The following ANKRD33B variants were observed in gnomAD, a reference collection of about 807,000 sequenced individuals.
ANKRD33B encodes the protein ankyrin repeat domain 33B.
In ANKRD33B, 6 loss-of-function variants were observed where a neutral mutation model predicts 21.5. That is an observed-to-expected ratio of 0.28 (90% CI 0.15 to 0.55). The LOEUF (loss-of-function observed/expected upper bound fraction) is 0.55, where lower values mean the gene tolerates loss of function less well. Among genes scored for constraint, ANKRD33B ranks in the 20% least tolerant of loss-of-function variants. ANKRD33B has a pLI of 0.94. For missense variants in ANKRD33B, 698 were observed against 747.2 expected (o/e 0.93, Z 0.77); for synonymous variants, 347 against 342.4 (o/e 1.01, Z -0.15).
At chr5:10,648,312 G>A (rs1346331505) in intron 3 of ANKRD33B, among the ~76,000 whole-genome samples, 1 of 152,250 alleles carries the variant, frequency 6.6e-6, no homozygotes, top group African/African-American at 2.4e-5. Flanking sequence ...CCTCAAGAGT[G>A]AGACCACAGC....
chr5:10,576,161 G>T lies in ANKRD33B; in HGVS notation c.366+11328G>T, dbSNP rs566931282. Among the ~76,000 whole-genome samples, 134 of 152,306 alleles carry T rather than the reference G, an allele frequency of 8.8e-4. 1 individual carries two copies. Among genetic ancestry groups the T allele is most frequent in the Middle Eastern group, 3.4e-3 (1 of 294 alleles). The stretch of plus-strand genomic sequence containing the variant: ...GGCTGTAACTATTTCAAAATAAAAA[G>T]TTGAATGAGCGTGAAAAGCTGCACG... On this transcript the variant is annotated intron_variant, in intron 1 of 3. Coordinates refer to ENST00000296657, the MANE Select transcript of ANKRD33B (RefSeq NM_001164440.2). The surrounding 1 kb of genome is among the most constrained non-coding windows in gnomAD (Gnocchi z 4.1).
At chr5:10,592,351 G>A (rs1735712750) in intron 1 of ANKRD33B, among the ~76,000 whole-genome samples, 1 of 150,644 alleles carries the variant, frequency 6.6e-6, no homozygotes, top group Non-Finnish European at 1.5e-5. Context: ...TGGCGCCCAT[G>A]CCTGTAATCC....
chr5:10,564,345 G>A lies in ANKRD33B; in HGVS notation c.-123G>A. On this transcript the variant is annotated 5_prime_UTR_variant, in exon 1 of 4. Transcript: ENST00000296657. Reference sequence around the variant, plus strand: ...GCCTGGTGCCGGTTTCCGCCGAGCTGGAGCGCGCGGGCCACGGCTTCTCTG... The same window carrying A: ...GCCTGGTGCCGGTTTCCGCCGAGCTAGAGCGCGCGGGCCACGGCTTCTCTG... The A allele has an allele frequency of 1.5e-6, 1 of 675,034 alleles. No individual in the cohort carries two copies. Among genetic ancestry groups the A allele is most frequent in the Non-Finnish European group, 1.8e-6 (1 of 542,294 alleles). The allele number at this position is 675,034 out of a possible 1,614,324, so 41.8% of individuals were successfully genotyped here.
chr5:10,598,987 C>T (rs1375774289), intron 1 of ANKRD33B, among the ~76,000 whole-genome samples: 1 of 152,192 alleles, frequency 6.6e-6, no homozygotes, highest in East Asian at 1.9e-4. Flanking sequence ...AATATATACA[C>T]CTGTGCAGTC....
chr5:10,610,710 G>A (rs1367639114), intron 1 of ANKRD33B, among the ~76,000 whole-genome samples: 2 of 152,216 alleles, frequency 1.3e-5, no homozygotes, highest in African/African-American at 4.8e-5. Flanking sequence ...TACATGGAGA[G>A]CATTTTGTGC....
In ANKRD33B at chr5:10,589,071, A is replaced by G. The variant is rs888365676; in HGVS notation, c.366+24238A>G. Among the ~76,000 whole-genome samples, 7 of 151,972 alleles carry G rather than the reference A, an allele frequency of 4.6e-5. No homozygotes were observed. In the East Asian group the frequency reaches 9.7e-4, roughly 21 times the overall value. On this transcript the variant is annotated intron_variant, in intron 1 of 3. Coordinates refer to ENST00000296657, the MANE Select transcript of ANKRD33B (RefSeq NM_001164440.2). ...CCCATACCCTGAGCTGCTTGACCAC[A>G]TTACTTCTGCTTTAAGCCTCGGGAA...
At chr5:10,603,003 G>T (rs114582648) in intron 1 of ANKRD33B, among the ~76,000 whole-genome samples, 4,219 of 151,958 alleles carry the variant, frequency 0.028, 103 homozygotes, top group South Asian at 0.046. Context: ...TTGTAGAGAC[G>T]CGGTTTTGCC....
At position 10,652,224 on chromosome 5, in the gene ANKRD33B, C is replaced by T. The variant is rs912653378; in HGVS notation, c.*2111C>T. ...GCAGTGCCATGTGGTCTCCCAGGCA[C>T]GCTTCTCAACACCGGCTACCCCTGC... On this transcript the variant is annotated 3_prime_UTR_variant, in exon 4 of 4. Transcript: ENST00000296657. The surrounding 1 kb of genome is among the most constrained non-coding windows in gnomAD (Gnocchi z 4.1). The T allele has an allele frequency of 6.6e-5, 10 of 152,486 alleles. No homozygotes were observed. The highest frequency in any genetic ancestry group is 7.3e-5 in the Non-Finnish European group (5 of 68,080). The allele number at this position is 152,486 out of a possible 1,614,324, so 9.4% of individuals were successfully genotyped here.
intron 1 of ANKRD33B, among the ~76,000 whole-genome samples, chr5:10,581,149 C>T (rs541993037): frequency 6.6e-6 from 1 of 152,340 alleles, no homozygotes; most frequent in African/African-American, 2.4e-5. Context: ...GGGCCTGGTC[C>T]CACCCCTTAA....
intron 3 of ANKRD33B, among the ~76,000 whole-genome samples, chr5:10,643,442 A>G (rs1401959351): frequency 6.6e-6 from 1 of 151,636 alleles, no homozygotes; most frequent in African/African-American, 2.4e-5. Flanking sequence ...TAAATGGGAA[A>G]GGATATACAA....
chr5:10,600,205 A>G (rs935169025), intron 1 of ANKRD33B, among the ~76,000 whole-genome samples: 4 of 152,362 alleles, frequency 2.6e-5, no homozygotes, highest in Non-Finnish European at 4.4e-5. Context: ...TAATTTACAT[A>G]CAGTGAAATG....
intron 1 of ANKRD33B, among the ~76,000 whole-genome samples, chr5:10,577,544 C>T (rs1245333456): frequency 2.0e-5 from 3 of 152,188 alleles, no homozygotes; most frequent in Non-Finnish European, 4.4e-5. Flanking sequence ...GTGGTGGATT[C>T]CTGGGTTCTC....
rs554077623 is a variant in ANKRD33B, at chr5:10,649,796, G to A, written c.1168G>A (p.Ala390Thr). The change falls in exon 4 of 4, where the codon GCC (alanine) becomes ACC (threonine). Residue 390 changes from alanine (A) to threonine (T), a missense_variant. Physicochemically the swap from Ala to Thr is moderately conservative, Grantham distance 58 (BLOSUM62 0). Transcript: ENST00000296657. ...EGSPRAGLPPALGSRGPAAPA... is the reference protein window; with the variant it reads ...EGSPRAGLPPTLGSRGPAAPA... ...CTCCCCGAGAGCCGGCCTCCCTCCC[G>A]CCCTGGGGTCCCGGGGCCCCGCAGC... 7.1e-6 allele frequency: 10 copies of A among 1,398,714 alleles called. No individual in the cohort carries two copies. In the African/African-American group the frequency reaches 1.5e-4, roughly 21 times the overall value. 86.6% of individuals were successfully genotyped at this position (1,398,714 alleles called of 1,614,324 possible).
chr5:10,624,178 G>C (rs1394654375), intron 2 of ANKRD33B, among the ~76,000 whole-genome samples: 2 of 137,960 alleles, frequency 1.4e-5, no homozygotes, highest in Non-Finnish European at 3.1e-5. Context: ...CGCCCAGGCT[G>C]GGGTGCAGTG....
At chr5:10,625,281 G>T (rs1236290003) in intron 2 of ANKRD33B, 1 of 157,818 alleles carries the variant, frequency 6.3e-6, no homozygotes, top group Non-Finnish European at 1.4e-5. Flanking sequence ...AGCCAAAAAT[G>T]ACTACAAAAG....
Position 10,608,356 on chromosome 5 carries a change from TAAAAA to T in ANKRD33B, c.367-9963_367-9959del, listed in dbSNP as rs1218246439. Among the ~76,000 whole-genome samples the T allele has an allele frequency of 2.8e-5, 3 of 108,430 alleles. No homozygotes were observed. The Admixed American group carries it at 2.9e-4, about 11-fold the overall frequency. 71.1% of individuals were successfully genotyped at this position (108,430 alleles called of 152,430 possible). ...CTAGGCAACAGAGCGAGACTCCATC[TAAAAA>T]AAAAAAAAAAAAAGAGCCGTGGTAG... On this transcript the variant is annotated intron_variant, in intron 1 of 3. Transcript: ENST00000296657.
chr5:10,641,225 CTTTTTTT>C (rs772445527), intron 3 of ANKRD33B, among the ~76,000 whole-genome samples: 1,262 of 77,428 alleles, frequency 0.016, 15 homozygotes, highest in African/African-American at 0.049. Context: ...TCTTCTTCTT[CTTTTTTT>C]TTTTTTTTTT....
intron 2 of ANKRD33B, among the ~76,000 whole-genome samples, chr5:10,636,587 A>G (rs1459568135): frequency 6.6e-6 from 1 of 152,230 alleles, no homozygotes; most frequent in Non-Finnish European, 1.5e-5. Context: ...CCTGCACTCC[A>G]GTGTGAGTGA....
rs1279891075 is a variant in ANKRD33B at position 10,633,097 on chromosome 5, C to G, written c.497-4931C>G. 6.7e-5 allele frequency among the ~76,000 whole-genome samples: 8 copies of G among 119,462 alleles called. No homozygotes were observed. In the East Asian group the frequency reaches 2.0e-3, roughly 29 times the overall value. The allele number at this position is 119,462 out of a possible 152,430, so 78.4% of individuals were successfully genotyped here. On this transcript the variant is annotated intron_variant, in intron 2 of 3. Coordinates refer to ENST00000296657, the MANE Select transcript of ANKRD33B (RefSeq NM_001164440.2). ...GCCACCATGCCCAGCCAGTTCTCCT[C>G]TTTTTTTTTTTTTTTTTCTTTTTGA... is the stretch of plus-strand genomic sequence containing the variant.
Sources: gnomAD v4.1 joint callset for allele counts (sites outside exome capture counted in the v4.1 genomes callset) on GRCh38, gnomAD v4.1.1 for gene constraint, Gnocchi (gnomAD v3.1) non-coding constraint, MANE v1.5 for transcripts, NCBI Gene and HGNC (gene_info 2026-07-23, HGNC 2026-07-21) for gene names.